The following ACYP2 variants were observed in gnomAD, a reference collection of about 807,000 sequenced individuals.
ACYP2 encodes acylphosphatase-2.
In ACYP2, 12 loss-of-function variants were observed where a neutral mutation model predicts 11.2. That is an observed-to-expected ratio of 1.08 (90% CI 0.69 to 1.74). The LOEUF (loss-of-function observed/expected upper bound fraction) is 1.74, where lower values mean the gene tolerates loss of function less well. ACYP2 is among the 40% of genes most tolerant of loss of function. The pLI is 0.00. For missense variants in ACYP2, 134 were observed against 101.9 expected (o/e 1.31, Z -1.35); for synonymous variants, 43 against 32.2 (o/e 1.33, Z -1.13).
At chr2:54,108,470 G>A (rs1267488836) in intron 4 of ACYP2, among the ~76,000 whole-genome samples, 1 of 152,188 alleles carries the variant, frequency 6.6e-6, no homozygotes. Context: ...AAGTGTGTGT[G>A]AACTAAGAAG....
chr2:54,183,508 G>T (rs934758380), intron 6 of ACYP2, among the ~76,000 whole-genome samples: 3 of 151,436 alleles, frequency 2.0e-5, no homozygotes, highest in Non-Finnish European at 4.4e-5. Context: ...CTTCAGCCTG[G>T]GCGACAGAGC....
chr2:54,201,988 A>G (rs550545762), intron 6 of ACYP2, among the ~76,000 whole-genome samples: 11 of 152,052 alleles, frequency 7.2e-5, no homozygotes, highest in Middle Eastern at 3.4e-3. Flanking sequence ...GATTACAGGC[A>G]TGAGCCACTG....
At chr2:54,300,730 G>A (rs1689691975) in intron 6 of ACYP2, among the ~76,000 whole-genome samples, 1 of 152,192 alleles carries the variant, frequency 6.6e-6, no homozygotes, top group African/African-American at 2.4e-5. Flanking sequence ...ATGACAGTAT[G>A]TTTGTAAGAC....
chr2:54,254,916 A>G, intron 6 of ACYP2: 3 of 1,604,136 alleles, frequency 1.9e-6, no homozygotes, highest in Non-Finnish European at 2.5e-6. Context: ...CCAAAGGCAA[A>G]GGTTAACCAC....
intron 6 of ACYP2, among the ~76,000 whole-genome samples, chr2:54,147,447 T>G (rs1229392431): frequency 6.6e-6 from 1 of 152,126 alleles, no homozygotes; most frequent in Non-Finnish European, 1.5e-5. Context: ...GCTGACTTGC[T>G]TCTCATTATT....
chr2:54,252,268 T>C (rs1057013488), intron 6 of ACYP2, among the ~76,000 whole-genome samples: 6 of 152,226 alleles, frequency 3.9e-5, no homozygotes, highest in African/African-American at 1.2e-4. Context: ...TAGTATACCA[T>C]TGTGTGAACA....
intron 6 of ACYP2, among the ~76,000 whole-genome samples, chr2:54,278,809 ATAAT>A (rs1484456110): frequency 6.6e-6 from 1 of 152,208 alleles, no homozygotes. Context: ...TTTCTTAAAA[ATAAT>A]TTTATTTTTT....
intron 6 of ACYP2, among the ~76,000 whole-genome samples, chr2:54,260,020 T>C (rs1251788746): frequency 2.0e-5 from 3 of 151,994 alleles, no homozygotes; most frequent in Admixed American, 1.3e-4. Context: ...AAACTAATGA[T>C]GTAAGAGACA....
chr2:54,155,673 A>C (rs967123509), intron 6 of ACYP2, among the ~76,000 whole-genome samples: 1 of 152,170 alleles, frequency 6.6e-6, no homozygotes, highest in South Asian at 2.1e-4. Context: ...TCTTCCACCA[A>C]ACTGGTCCCT....
In ACYP2 at chr2:54,002,883, G is replaced by C. The variant is rs948774929; in HGVS notation, c.62+29073G>C. 3.4e-5 allele frequency among the ~76,000 whole-genome samples: 5 copies of C among 146,394 alleles called. No individual in the cohort carries two copies. The East Asian group carries it at 1.0e-3, about 30-fold the overall frequency. On this transcript the variant is annotated intron_variant, in intron 2 of 6. Coordinates refer to ENST00000607452, the MANE Select transcript of ACYP2 (RefSeq NM_001320586.2). ...GGCTGGTCTTGAACTCCTCACCTCA[G>C]GTGATCCGCCCGCCTCGGCCTCCCA... is the stretch of plus-strand genomic sequence containing the variant.
chr2:54,095,651 G>A (rs1189239269), intron 4 of ACYP2, among the ~76,000 whole-genome samples: 1 of 140,406 alleles, frequency 7.1e-6, no homozygotes. Context: ...GCGGCTGGCC[G>A]CGCGGGGGGC....
chr2:54,213,382 A>C (rs889157950), intron 6 of ACYP2, among the ~76,000 whole-genome samples: 1 of 152,018 alleles, frequency 6.6e-6, no homozygotes, highest in African/African-American at 2.4e-5. Context: ...GCTCTTATGA[A>C]TAGTACTGTG....
chr2:53,977,224 T>G (rs142372750), intron 2 of ACYP2, among the ~76,000 whole-genome samples: 4,991 of 152,100 alleles, frequency 0.033, 282 homozygotes, highest in African/African-American at 0.11. Flanking sequence ...ATTTTTTATA[T>G]TTTTAGTAGA....
chr2:54,217,789 C>T (rs1477950523), intron 6 of ACYP2, among the ~76,000 whole-genome samples: 1 of 152,102 alleles, frequency 6.6e-6, no homozygotes, highest in Non-Finnish European at 1.5e-5. Flanking sequence ...AATTGTCAAA[C>T]ACATGCCTTT....
intron 6 of ACYP2, among the ~76,000 whole-genome samples, chr2:54,237,692 A>G (rs1270708000): frequency 1.3e-5 from 2 of 152,052 alleles, no homozygotes; most frequent in African/African-American, 2.4e-5. Context: ...TATGTCTTCT[A>G]TAACTTTTAT....
chr2:54,225,072 C>G (rs1685956566), intron 6 of ACYP2, among the ~76,000 whole-genome samples: 1 of 152,244 alleles, frequency 6.6e-6, no homozygotes, highest in Non-Finnish European at 1.5e-5. Context: ...GGCCCTTTAA[C>G]TGGCCACAGT....
At chr2:53,972,031 CG>C (rs1320844369) in intron 1 of ACYP2, among the ~76,000 whole-genome samples, 1 of 152,226 alleles carries the variant, frequency 6.6e-6, no homozygotes, top group East Asian at 1.9e-4. Flanking sequence ...CTCTGGCGGC[CG>C]GGCGCAGTGG....
chr2:53,971,705 C>G (rs1430351050), intron 1 of ACYP2, among the ~76,000 whole-genome samples: 4 of 152,148 alleles, frequency 2.6e-5, no homozygotes, highest in African/African-American at 9.7e-5. Context: ...AGGAACTCTA[C>G]AAAGAAGTTG....
intron 4 of ACYP2, among the ~76,000 whole-genome samples, chr2:54,088,564 A>C (rs1459960980): frequency 6.6e-6 from 1 of 152,152 alleles, no homozygotes; most frequent in Non-Finnish European, 1.5e-5. Flanking sequence ...AGGTGGAGGG[A>C]GAGAAGACAA....
Sources: allele counts gnomAD v4.1 joint callset (sites outside exome capture counted in the v4.1 genomes callset), GRCh38; gene constraint gnomAD v4.1.1; transcripts MANE v1.5; gene names NCBI Gene and HGNC (gene_info 2026-07-23, HGNC 2026-07-21).